The following PDE1C variants were observed in gnomAD, a reference collection of about 807,000 sequenced individuals.
PDE1C encodes the protein phosphodiesterase 1C, also known as dual specificity calcium/calmodulin-dependent 3',5'-cyclic nucleotide phosphodiesterase 1C.
Under a neutral mutation model 93.1 loss-of-function variants are expected in PDE1C, and 62 were observed. The observed-to-expected ratio is 0.67, with a 90% CI of 0.54 to 0.82. PDE1C has a LOEUF of 0.82. Among genes scored for constraint, PDE1C ranks in the 40% least tolerant of loss-of-function variants. The pLI, the probability that PDE1C is intolerant of heterozygous loss-of-function variation, is 0.00. For synonymous variants in PDE1C, 325 were observed against 310.1 expected (o/e 1.05, Z -0.50); for missense variants, 742 against 884.6 (o/e 0.84, Z 2.04).
intron 1 of PDE1C, among the ~76,000 whole-genome samples, chr7:32,406,193 C>A (rs76790393): frequency 0.028 from 4,312 of 152,266 alleles, 220 homozygotes; most frequent in African/African-American, 0.099. Flanking sequence ...CTTTCCCCTG[C>A]ACCATCAGGC....
chr7:31,652,019 G>T, the PDE1C span: 1 of 1,602,948 alleles, frequency 6.2e-7, no homozygotes. Flanking sequence ...TTAGGAGACC[G>T]GGCTCAGCAA....
chr7:31,715,466 T>C, the PDE1C span, among the ~76,000 whole-genome samples: 2 of 152,214 alleles, frequency 1.3e-5, no homozygotes, highest in African/African-American at 4.8e-5. Context: ...CTCAAACTCT[T>C]GACCTCAAGT....
At chr7:32,248,481 C>T (rs1183499258) in intron 1 of PDE1C, among the ~76,000 whole-genome samples, 1 of 152,166 alleles carries the variant, frequency 6.6e-6, no homozygotes, top group Non-Finnish European at 1.5e-5. Flanking sequence ...GAAATAGCAG[C>T]TTGATTCAGT....
In PDE1C at chr7:32,306,205, T is replaced by C. The variant is rs180728055; in HGVS notation, c.311-96666A>G. 4.4e-4 allele frequency among the ~76,000 whole-genome samples: 67 copies of C among 152,308 alleles called. 1 individual carries two copies. Among genetic ancestry groups the C allele is most frequent in the Admixed American group, 1.2e-3 (19 of 15,294 alleles). On this transcript the variant is annotated intron_variant, in intron 1 of 1. Coordinates refer to the PDE1C transcript ENST00000672256. ...TGTCCGTTAAACCTCTTTTTCTTTA[T>C]AAATTACTCAGTCTTGGGTATGTCT...
At chr7:31,954,789 C>G (rs1284538949) in intron 2 of PDE1C, among the ~76,000 whole-genome samples, 1 of 152,132 alleles carries the variant, frequency 6.6e-6, no homozygotes, top group Non-Finnish European at 1.5e-5. Context: ...AAGGTTTTTG[C>G]TATTAAAAGT....
intron 2 of PDE1C, among the ~76,000 whole-genome samples, chr7:31,955,445 C>A (rs1349264617): frequency 3.3e-5 from 5 of 152,124 alleles, no homozygotes; most frequent in Admixed American, 3.3e-4. Flanking sequence ...AATGCTGAAA[C>A]CATCAGTTAA....
At chr7:31,704,334 G>T in the PDE1C span, among the ~76,000 whole-genome samples, 64,127 of 151,970 alleles carry the variant, frequency 0.42, 14,855 homozygotes, top group East Asian at 0.68. Flanking sequence ...TTTTAGATGG[G>T]GCTCTGGGTG....
intron 2 of PDE1C, among the ~76,000 whole-genome samples, chr7:31,914,575 A>T (rs1016190): frequency 0.46 from 69,524 of 152,024 alleles, 16,735 homozygotes; most frequent in Non-Finnish European, 0.54. Flanking sequence ...AGGCAAGGAT[A>T]TGTAGATTAG....
chr7:32,171,969 G>A lies in PDE1C; in HGVS notation c.137-2013C>T, dbSNP rs192252407. On this transcript the variant is annotated intron_variant, in intron 2 of 18. Transcript: ENST00000396193. Reference sequence around the variant, plus strand: ...TAATACAGGAAACTGCGTGTAGGCCGTATGAGATCTCTATATTATCTTTGT... The same window carrying A: ...TAATACAGGAAACTGCGTGTAGGCCATATGAGATCTCTATATTATCTTTGT... Among the ~76,000 whole-genome samples the A allele has an allele frequency of 6.4e-4, 96 of 150,038 alleles. No individual in the cohort carries two copies. In the East Asian group the frequency reaches 0.017, roughly 27 times the overall value.
the PDE1C span, among the ~76,000 whole-genome samples, chr7:31,721,490 G>A: frequency 6.6e-6 from 1 of 152,110 alleles, no homozygotes; most frequent in Non-Finnish European, 1.5e-5. Context: ...ACTGCATTGG[G>A]CACCACAGAT....
chr7:32,286,420 C>T (rs1221091781), intron 1 of PDE1C, among the ~76,000 whole-genome samples: 1 of 152,150 alleles, frequency 6.6e-6, no homozygotes, highest in Admixed American at 6.5e-5. Context: ...CTTACAAAGC[C>T]CTTAGAAGAG....
At chr7:32,280,660 TA>T (rs1039177322) in intron 1 of PDE1C, among the ~76,000 whole-genome samples, 6 of 152,256 alleles carry the variant, frequency 3.9e-5, no homozygotes, top group African/African-American at 1.4e-4. Context: ...TCAAAAAGTC[TA>T]AAAATTTTCT....
At chr7:31,675,188 T>C in the PDE1C span, among the ~76,000 whole-genome samples, 1 of 152,182 alleles carries the variant, frequency 6.6e-6, no homozygotes, top group Non-Finnish European at 1.5e-5. Flanking sequence ...TTTTTGGCCA[T>C]GGCCAGTTTG....
chr7:32,055,692 G>T (rs940759336), intron 1 of PDE1C, among the ~76,000 whole-genome samples: 1 of 152,082 alleles, frequency 6.6e-6, no homozygotes, highest in Non-Finnish European at 1.5e-5. Context: ...TCCCTGACTC[G>T]CAATCTGAAA....
At chr7:31,997,580 C>A (rs1230518497) in intron 2 of PDE1C, among the ~76,000 whole-genome samples, 1 of 152,200 alleles carries the variant, frequency 6.6e-6, no homozygotes, top group Non-Finnish European at 1.5e-5. Context: ...ATGGTGTCAA[C>A]ACAATGAGGG....
chr7:32,377,252 G>GA (rs1173086654), intron 1 of PDE1C, among the ~76,000 whole-genome samples: 1 of 152,172 alleles, frequency 6.6e-6, no homozygotes, highest in East Asian at 1.9e-4. Flanking sequence ...AAGAGTTCAG[G>GA]AAACCTGATT....
upstream of PDE1C, chr7:32,071,464 C>CTCCTCCCTCATT: frequency 1.0e-6 from 1 of 975,280 alleles, no homozygotes; most frequent in Non-Finnish European, 1.2e-6. Flanking sequence ...CGCGCTCTCT[C>CTCCTCCCTCATT]TCCTCCCTCA....
intron 1 of PDE1C, among the ~76,000 whole-genome samples, chr7:32,381,368 G>A (rs773252661): frequency 3.9e-4 from 59 of 152,196 alleles, no homozygotes; most frequent in Middle Eastern, 6.8e-3. Flanking sequence ...CCTTGGGGAA[G>A]TTTCACAGCT....
chr7:32,402,315 G>T (rs572635681), intron 1 of PDE1C, among the ~76,000 whole-genome samples: 2 of 152,158 alleles, frequency 1.3e-5, no homozygotes, highest in South Asian at 4.2e-4. Flanking sequence ...TCCATAAGCT[G>T]CCTCTGCAAA....
Sources: gnomAD v4.1 joint callset for allele counts (sites outside exome capture counted in the v4.1 genomes callset) on GRCh38, gnomAD v4.1.1 for gene constraint, MANE v1.5 for transcripts, NCBI Gene and HGNC (gene_info 2026-07-23, HGNC 2026-07-21) for gene names.